The following ZNF596 variants were observed in gnomAD, a reference collection of about 807,000 sequenced individuals.
ZNF596 encodes the protein zinc finger protein 596.
Under a neutral mutation model 48.3 loss-of-function variants are expected in ZNF596, and 45 were observed. The ratio of observed to expected loss-of-function variants is 0.93; its 90% CI spans 0.73 to 1.19. The LOEUF (loss-of-function observed/expected upper bound fraction) is 1.19. ZNF596 is among the 50% of genes most tolerant of loss of function. The pLI is 0.00. For missense variants in ZNF596, 848 were observed against 599.7 expected, an observed-to-expected ratio of 1.41 and a Z score of -4.32; for synonymous variants, 270 against 202.0, an observed-to-expected ratio of 1.34 and a Z score of -2.85.
At chr8:244,054 A>AC in intron 4 of ZNF596, 1 of 258,396 alleles carries the variant, frequency 3.9e-6, no homozygotes, top group Non-Finnish European at 7.5e-6. Context: ...TGCCCAGCTA[A>AC]TTTTTTTCTA....
At chr8:233,504 C>T (rs1469325469) in intron 1 of ZNF596, 2 of 220,368 alleles carry the variant, frequency 9.1e-6, no homozygotes, top group Admixed American at 5.6e-5. Context: ...GTTTAGTATT[C>T]AACAGCTTCC....
chr8:233,932 G>A (rs1796525923), intron 1 of ZNF596, among the ~76,000 whole-genome samples: 1 of 152,310 alleles, frequency 6.6e-6, no homozygotes, highest in East Asian at 1.9e-4. Flanking sequence ...CCATTCCTGT[G>A]AAGCTGGTGC....
At chr8:236,122 G>C (rs1020543154) in intron 1 of ZNF596, among the ~76,000 whole-genome samples, 2 of 152,194 alleles carry the variant, frequency 1.3e-5, no homozygotes, top group East Asian at 1.9e-4. Flanking sequence ...TCCTCATTAA[G>C]TTTTAAAATT....
chr8:232,213 A>T (rs1194577070), upstream of ZNF596: 1 of 156,768 alleles, frequency 6.4e-6, no homozygotes, highest in Non-Finnish European at 1.5e-5. Context: ...ACGCGCTTTC[A>T]ACCGGCGGAG....
chr8:235,923 G>A (rs2117067247), intron 1 of ZNF596, among the ~76,000 whole-genome samples: 1 of 152,048 alleles, frequency 6.6e-6, no homozygotes, highest in South Asian at 2.1e-4. Context: ...TATTTTGACT[G>A]TATACTCACC....
intron 1 of ZNF596, among the ~76,000 whole-genome samples, chr8:239,510 A>G (rs773049067): frequency 6.6e-6 from 1 of 152,178 alleles, no homozygotes; most frequent in Admixed American, 6.5e-5. Context: ...ACTCCTTTTT[A>G]TGTTAGATTC....
chr8:234,644 G>A (rs1437588862), intron 1 of ZNF596: 3 of 152,218 alleles, frequency 2.0e-5, no homozygotes, highest in South Asian at 2.1e-4. Flanking sequence ...CGCCTTAAGT[G>A]TTGTTTTTAG....
intron 1 of ZNF596, chr8:237,336 G>A (rs1796658772): frequency 6.6e-6 from 1 of 151,826 alleles, no homozygotes; most frequent in African/African-American, 2.4e-5. Flanking sequence ...ATCTTTTTAA[G>A]TCTTATTAAT....
Position 245,705 on chromosome 8 carries a change from A to G in ZNF596, c.858A>G (p.Lys286=). Residue 286 remains lysine (K), a synonymous_variant, in exon 6 of 6, where the codon AAA becomes AAG. Transcript: ENST00000398612. The part of the protein sequence containing the change: ...EKAQICHLCG[K]AFTHCSDLRK... ...CACAGATATGCCATCTATGTGGGAA[A>G]GCCTTCACTCATTGCTCTGACCTTA... The G allele has an allele frequency of 6.2e-7, 1 of 1,614,206 alleles. No individual in the cohort carries two copies. The highest frequency in any genetic ancestry group is 8.5e-7 in the Non-Finnish European group (1 of 1,180,038).
chr8:236,812 G>A (rs1438017390), intron 1 of ZNF596, among the ~76,000 whole-genome samples: 1 of 152,196 alleles, frequency 6.6e-6, no homozygotes, highest in Non-Finnish European at 1.5e-5. Flanking sequence ...ATAGCCAAAT[G>A]GCTAAAATTG....
At chr8:236,276 T>G (rs958553505) in intron 1 of ZNF596, among the ~76,000 whole-genome samples, 1 of 152,208 alleles carries the variant, frequency 6.6e-6, no homozygotes, top group Non-Finnish European at 1.5e-5. Context: ...TTCATAATAG[T>G]TTTGCCCACT....
chr8:244,802 C>A, intron 5 of ZNF596, 101 bp downstream of exon 5: 1 of 960,776 alleles, frequency 1.0e-6, no homozygotes, highest in Non-Finnish European at 1.6e-6. Flanking sequence ...TAAAGCCCTC[C>A]CAGCAGTTTT....
At chr8:241,864 T>C (rs1796866354) in intron 2 of ZNF596, among the ~76,000 whole-genome samples, 1 of 152,098 alleles carries the variant, frequency 6.6e-6, no homozygotes, top group African/African-American at 2.4e-5. Context: ...AAACTTACAA[T>C]CATGGTGGAA....
intron 1 of ZNF596, among the ~76,000 whole-genome samples, chr8:239,628 A>G (rs1796766121): frequency 6.6e-6 from 1 of 152,204 alleles, no homozygotes; most frequent in Non-Finnish European, 1.5e-5. Context: ...AGAGTTACAT[A>G]CAGCAAGTTT....
chr8:240,707 C>T (rs1437145754), intron 1 of ZNF596, 117 bp from the exon 2 acceptor site: 2 of 651,886 alleles, frequency 3.1e-6, no homozygotes, highest in Non-Finnish European at 5.5e-6. Flanking sequence ...ACCCAACCCA[C>T]CCCCTACCCA....
intron 1 of ZNF596, among the ~76,000 whole-genome samples, chr8:238,170 C>A (rs1053002100): frequency 6.6e-6 from 1 of 152,142 alleles, no homozygotes; most frequent in East Asian, 1.9e-4. Flanking sequence ...TTGTCTGCAG[C>A]GTGACTCCCA....
At position 245,584 on chromosome 8, in the gene ZNF596, C is replaced by T; in HGVS notation, c.737C>T (p.Thr246Ile). 1 of 1,613,788 alleles carries T rather than the reference C, an allele frequency of 6.2e-7. No homozygotes were observed. The highest frequency in any genetic ancestry group is 8.5e-7 in the Non-Finnish European group (1 of 1,179,956). ...CTTCGAAAACATGAGAGAACTCACA[C>T]TGGAGAGAAGCCATATGGATGTCAT... ...SDLRKHERTH[T>I]GEKPYGCHLC... The change falls in exon 6 of 6, where the codon ACT (threonine) becomes ATT (isoleucine). Residue 246 changes from threonine to isoleucine, a missense_variant. Physicochemically the swap from Thr to Ile is moderately conservative, Grantham distance 89 (BLOSUM62 -1). Transcript: ENST00000398612.
At chr8:233,628 G>C (rs990955188) in intron 1 of ZNF596, 11 of 154,530 alleles carry the variant, frequency 7.1e-5, no homozygotes, top group African/African-American at 2.7e-4. Context: ...GGATGACCTG[G>C]ATTGTCCTAG....
At chr8:234,735 TA>T (rs1796554986) in intron 1 of ZNF596, 1 of 152,242 alleles carries the variant, frequency 6.6e-6, no homozygotes, top group Non-Finnish European at 1.5e-5. Flanking sequence ...ATCTTCACGC[TA>T]TCACACTGTG....
Sources: gnomAD v4.1 joint callset for allele counts (sites outside exome capture counted in the v4.1 genomes callset) on GRCh38, gnomAD v4.1.1 for gene constraint, MANE v1.5 for transcripts, NCBI Gene and HGNC (gene_info 2026-07-23, HGNC 2026-07-21) for gene names.